Variants in TRAPPC9 observed in about 807,000 individuals in gnomAD.
TRAPPC9 encodes the protein IKK2 binding protein.
TRAPPC9 carries 83 observed loss-of-function variants against 124.0 expected under a neutral mutation model. The ratio of observed to expected loss-of-function variants is 0.67; its 90% CI spans 0.56 to 0.80. The LOEUF is 0.80. TRAPPC9 is among the 30% of genes least tolerant of loss of function. The pLI is 0.00. For missense variants in TRAPPC9, 1,302 were observed against 1,508.3 expected (o/e 0.86, Z 2.27); for synonymous variants, 638 against 617.5 (o/e 1.03, Z -0.49).
rs531983406 is a variant in TRAPPC9, at chr8:139,814,712, A to AGAAAG, written c.3055+71162_3055+71166dup. 5.5e-3 allele frequency among the ~76,000 whole-genome samples: 831 copies of AGAAAG among 152,292 alleles called. 14 individuals are homozygous for AGAAAG. Among genetic ancestry groups the AGAAAG allele is most frequent in the African/African-American group, 0.019 (801 of 41,558 alleles). ...AACTCTGCTAGTTAGCCTCAAAAAA[A>AGAAAG]GAAAGGAAAGGAAAGGAAAAAGGAA... is the stretch of plus-strand genomic sequence containing the variant. On this transcript the variant is annotated intron_variant, in intron 21 of 22. Transcript: ENST00000438773.
intron 17 of TRAPPC9, chr8:140,098,719 G>T (rs74524750): frequency 0.024 from 3,693 of 151,758 alleles, 46 homozygotes; most frequent in South Asian, 0.044. Flanking sequence ...CGTCCGCAGA[G>T]GACGACACCA....
chr8:140,164,669 G>C (rs2061803459), intron 17 of TRAPPC9, among the ~76,000 whole-genome samples: 1 of 152,156 alleles, frequency 6.6e-6, no homozygotes, highest in Non-Finnish European at 1.5e-5. Context: ...ATGGTCTCCT[G>C]GGCCTCCGTG....
At chr8:139,793,444 CTT>C (rs1822838136) in intron 21 of TRAPPC9, among the ~76,000 whole-genome samples, 1 of 152,196 alleles carries the variant, frequency 6.6e-6, no homozygotes, top group Non-Finnish European at 1.5e-5. Flanking sequence ...TCAAGGAAAC[CTT>C]CTCCAGCCTT....
intron 17 of TRAPPC9, among the ~76,000 whole-genome samples, chr8:140,215,423 G>C (rs1210265489): frequency 6.6e-6 from 1 of 152,040 alleles, no homozygotes; most frequent in Non-Finnish European, 1.5e-5. Context: ...CAGGTGGATT[G>C]CCTGAGCTCC....
chr8:140,073,803 C>A (rs2129866967), intron 17 of TRAPPC9, among the ~76,000 whole-genome samples: 1 of 152,286 alleles, frequency 6.6e-6, no homozygotes, highest in Non-Finnish European at 1.5e-5. Flanking sequence ...ATTACTGAAG[C>A]TGTTAATGGA....
At chr8:140,458,417 G>C, upstream of TRAPPC9, 1 of 1,587,488 alleles carries the variant, frequency 6.3e-7, no homozygotes, top group Admixed American at 1.8e-5. Flanking sequence ...CCACGGTCGT[G>C]CCCCCCACGT....
intron 21 of TRAPPC9, among the ~76,000 whole-genome samples, chr8:139,773,727 TA>T (rs1263942937): frequency 2.6e-5 from 4 of 152,212 alleles, no homozygotes; most frequent in African/African-American, 9.6e-5. Flanking sequence ...GCCACCTCTG[TA>T]GTCCTCTGTG....
chr8:140,349,645 G>A (rs1345190545), intron 9 of TRAPPC9, among the ~76,000 whole-genome samples: 2 of 152,170 alleles, frequency 1.3e-5, no homozygotes, highest in East Asian at 1.9e-4. Flanking sequence ...CGGGGAACAC[G>A]GAGTGGGCAG....
intron 17 of TRAPPC9, among the ~76,000 whole-genome samples, chr8:140,149,502 C>G (rs1409359206): frequency 6.6e-6 from 1 of 151,988 alleles, no homozygotes; most frequent in Non-Finnish European, 1.5e-5. Flanking sequence ...TGCCTGTAAT[C>G]TCAGCTACTC....
At chr8:140,095,588 T>C in intron 17 of TRAPPC9, 1 of 152,286 alleles carries the variant, frequency 6.6e-6, no homozygotes, top group Non-Finnish European at 1.5e-5. Flanking sequence ...CCTGCTGCCC[T>C]TTATGTGCCA....
At chr8:140,180,013 T>TTTTC in intron 17 of TRAPPC9, among the ~76,000 whole-genome samples, 1 of 125,170 alleles carries the variant, frequency 8.0e-6, no homozygotes, top group East Asian at 2.0e-4. Context: ...TTTTTTTTTT[T>TTTTC]TGGCCAGTAT....
chr8:140,141,491 C>T (rs2061381515), intron 17 of TRAPPC9, among the ~76,000 whole-genome samples: 1 of 152,074 alleles, frequency 6.6e-6, no homozygotes, highest in South Asian at 2.1e-4. Context: ...GAACACACAC[C>T]CCCAAGGATA....
intron 15 of TRAPPC9, among the ~76,000 whole-genome samples, chr8:140,273,890 G>A (rs766505344): frequency 3.9e-5 from 6 of 152,164 alleles, no homozygotes; most frequent in Non-Finnish European, 8.8e-5. Context: ...TTGTTCGGGG[G>A]AGATTTCAAG....
intron 17 of TRAPPC9, among the ~76,000 whole-genome samples, chr8:140,162,613 G>T (rs2061770293): frequency 6.6e-6 from 1 of 152,238 alleles, no homozygotes; most frequent in African/African-American, 2.4e-5. Context: ...AGACTCAAAA[G>T]CATGAAGCTC....
At chr8:140,402,864 G>T (rs530896428) in intron 6 of TRAPPC9, among the ~76,000 whole-genome samples, 14 of 152,096 alleles carry the variant, frequency 9.2e-5, no homozygotes, top group African/African-American at 1.7e-4. Context: ...AAAAAAATAT[G>T]AATTCAATAC....
intron 21 of TRAPPC9, among the ~76,000 whole-genome samples, chr8:139,877,030 A>G (rs114125453): frequency 0.017 from 2,534 of 152,276 alleles, 67 homozygotes; most frequent in African/African-American, 0.057. Context: ...CCTTCACATC[A>G]CAGCTCAGAA....
At position 139,984,661 on chromosome 8, in the gene TRAPPC9, G is replaced by C. The variant is rs1837130141; in HGVS notation, c.2810+4065C>G. 1.3e-5 allele frequency among the ~76,000 whole-genome samples: 2 copies of C among 152,186 alleles called. No individual in the cohort carries two copies. The highest frequency in any genetic ancestry group is 2.9e-5 in the Non-Finnish European group (2 of 68,028). On this transcript the variant is annotated intron_variant, in intron 19 of 22. Transcript: ENST00000438773. This position sits in a 1 kb window ranked among gnomAD's most constrained non-coding sequence, Gnocchi z 4.3. Reference sequence around the variant, plus strand: ...CCACTTCCTCCACCTGCACTGCTCTGCACAACCCCTCCACGGAGGCCGAGT... The same window carrying C: ...CCACTTCCTCCACCTGCACTGCTCTCCACAACCCCTCCACGGAGGCCGAGT...
chr8:140,123,951 G>A (rs1375780538), intron 17 of TRAPPC9, among the ~76,000 whole-genome samples: 1 of 152,174 alleles, frequency 6.6e-6, no homozygotes, highest in Non-Finnish European at 1.5e-5. Flanking sequence ...TTTCTTCACT[G>A]GACAGGCTCT....
intron 20 of TRAPPC9, among the ~76,000 whole-genome samples, chr8:139,898,819 C>T (rs1397519121): frequency 6.6e-6 from 1 of 152,056 alleles, no homozygotes; most frequent in Admixed American, 6.5e-5. Context: ...AAAAAATACA[C>T]ATTGAAAAAA....
Sources: gnomAD v4.1 joint callset for allele counts (sites outside exome capture counted in the v4.1 genomes callset) on GRCh38, gnomAD v4.1.1 for gene constraint, Gnocchi (gnomAD v3.1) non-coding constraint, MANE v1.5 for transcripts, NCBI Gene and HGNC (gene_info 2026-07-23, HGNC 2026-07-21) for gene names.